SGCZ: variants seen among roughly 807,000 people sequenced by gnomAD.
SGCZ encodes zeta-sarcoglycan.
SGCZ carries 40 observed loss-of-function variants against 41.3 expected under a neutral mutation model. The observed-to-expected ratio is 0.97, with a 90% CI of 0.75 to 1.26. SGCZ has a LOEUF of 1.26. Ranked by LOEUF, SGCZ falls within the 50% of genes most tolerant of loss-of-function variation. SGCZ has a pLI of 0.00. For synonymous variants in SGCZ, 206 were observed against 137.5 expected (o/e 1.50, Z -3.49); for missense variants, 552 against 369.8 (o/e 1.49, Z -4.04).
intron 2 of SGCZ, among the ~76,000 whole-genome samples, chr8:14,445,055 A>C (rs757643561): frequency 6.6e-6 from 1 of 152,200 alleles, no homozygotes; most frequent in African/African-American, 2.4e-5. Flanking sequence ...ACCTAAGGCC[A>C]ATTAAGCTTG....
intron 4 of SGCZ, among the ~76,000 whole-genome samples, chr8:14,181,801 T>C (rs1207788066): frequency 6.6e-6 from 1 of 152,206 alleles, no homozygotes; most frequent in Non-Finnish European, 1.5e-5. Context: ...GTTAAACATC[T>C]TCCCTTTATA....
chr8:14,652,855 T>C (rs550777625), intron 1 of SGCZ, among the ~76,000 whole-genome samples: 14 of 152,206 alleles, frequency 9.2e-5, no homozygotes, highest in Admixed American at 2.6e-4. Context: ...TGGGTGGCCA[T>C]TGGGTATCAT....
In SGCZ at chr8:14,852,826, A is replaced by C. The variant is rs567637440; in HGVS notation, c.40-297900T>G. On this transcript the variant is annotated intron_variant, in intron 1 of 7. Transcript: ENST00000382080. ...TCATGGAGTAATAGCCTTTCTCTGCATCAAAGTCTTTCCTGGATTCCTGTG... is the reference window on the plus strand; with the variant it reads ...TCATGGAGTAATAGCCTTTCTCTGCCTCAAAGTCTTTCCTGGATTCCTGTG... 1.3e-4 allele frequency among the ~76,000 whole-genome samples: 20 copies of C among 152,266 alleles called. 1 individual carries two copies. The South Asian group carries it at 3.7e-3, about 28-fold the overall frequency.
chr8:14,812,918 A>G (rs1046313553), intron 1 of SGCZ, among the ~76,000 whole-genome samples: 1 of 152,204 alleles, frequency 6.6e-6, no homozygotes, highest in Non-Finnish European at 1.5e-5. Flanking sequence ...GATATTCCCT[A>G]ATGTTCCTGA....
chr8:15,217,439 A>G (rs1253377929), intron 1 of SGCZ, among the ~76,000 whole-genome samples: 2 of 151,126 alleles, frequency 1.3e-5, no homozygotes, highest in Non-Finnish European at 2.9e-5. Flanking sequence ...AAAGAATTGA[A>G]CTAACAAAAA....
chr8:14,464,226 T>C (rs11992504), intron 2 of SGCZ, among the ~76,000 whole-genome samples: 6,214 of 151,696 alleles, frequency 0.041, 394 homozygotes, highest in African/African-American at 0.14. Flanking sequence ...TAGAATCCAC[T>C]GGTGAAGCCA....
chr8:14,944,209 T>G (rs888463886), intron 1 of SGCZ, among the ~76,000 whole-genome samples: 1 of 152,238 alleles, frequency 6.6e-6, no homozygotes. Flanking sequence ...TTTTAAGGAA[T>G]GCTGCTACAG....
At chr8:14,155,659 TTTTTA>T (rs536018870) in intron 5 of SGCZ, among the ~76,000 whole-genome samples, 102 of 151,256 alleles carry the variant, frequency 6.7e-4, no homozygotes, top group South Asian at 1.2e-3. Flanking sequence ...GATTCAAAGA[TTTTTA>T]TTTTATTCAA....
intron 1 of SGCZ, among the ~76,000 whole-genome samples, chr8:15,060,288 G>C (rs1456490813): frequency 6.6e-6 from 1 of 151,942 alleles, no homozygotes; most frequent in African/African-American, 2.4e-5. Flanking sequence ...AAAAATGATA[G>C]ACTGGATTAA....
intron 2 of SGCZ, among the ~76,000 whole-genome samples, chr8:14,529,864 G>T (rs376098772): frequency 5.9e-5 from 9 of 151,896 alleles, no homozygotes; most frequent in African/African-American, 2.2e-4. Context: ...ATATTAGTGT[G>T]CATTTGTTGA....
chr8:14,850,119 T>G (rs1219758871), intron 1 of SGCZ, among the ~76,000 whole-genome samples: 1 of 152,234 alleles, frequency 6.6e-6, no homozygotes, highest in Non-Finnish European at 1.5e-5. Flanking sequence ...TTTCAATGCC[T>G]TCACACTATT....
chr8:14,566,450 G>A (rs1804363145), intron 1 of SGCZ, among the ~76,000 whole-genome samples: 1 of 152,106 alleles, frequency 6.6e-6, no homozygotes, highest in African/African-American at 2.4e-5. Flanking sequence ...CTGATTCTCT[G>A]CTCTCCACTG....
intron 2 of SGCZ, among the ~76,000 whole-genome samples, chr8:14,449,999 A>C (rs1800545649): frequency 6.6e-6 from 1 of 152,254 alleles, no homozygotes; most frequent in African/African-American, 2.4e-5. Context: ...AATATAATGC[A>C]ATGTAATATG....
At chr8:14,752,132 C>CAAAAAAAAAAAAA (rs56243371) in intron 1 of SGCZ, among the ~76,000 whole-genome samples, 2 of 117,792 alleles carry the variant, frequency 1.7e-5, no homozygotes, top group East Asian at 2.8e-4. Context: ...ACAAAAAAGC[C>CAAAAAAAAAAAAA]AAAAAAAAAA....
At chr8:14,572,927 ACTAAATAC>A (rs1222940840) in intron 1 of SGCZ, among the ~76,000 whole-genome samples, 5 of 152,292 alleles carry the variant, frequency 3.3e-5, no homozygotes, top group African/African-American at 1.2e-4. Context: ...ATGAATATTT[ACTAAATAC>A]CTATACATGC....
intron 1 of SGCZ, among the ~76,000 whole-genome samples, chr8:14,568,022 C>G (rs1270854862): frequency 6.6e-6 from 1 of 152,190 alleles, no homozygotes; most frequent in East Asian, 1.9e-4. Flanking sequence ...CCCACCAATT[C>G]TGGACACAAT....
At chr8:14,529,485 G>A (rs771256051) in intron 2 of SGCZ, among the ~76,000 whole-genome samples, 2 of 152,098 alleles carry the variant, frequency 1.3e-5, no homozygotes, top group African/African-American at 2.4e-5. Context: ...ACAAGCACAG[G>A]GCTGTCAACT....
intron 1 of SGCZ, among the ~76,000 whole-genome samples, chr8:14,658,350 G>C (rs1479477586): frequency 3.3e-5 from 5 of 152,104 alleles, no homozygotes; most frequent in Non-Finnish European, 7.4e-5. Flanking sequence ...TGCTGCAATT[G>C]AACTCATGCC....
At chr8:15,039,184 C>G (rs904338905) in intron 1 of SGCZ, among the ~76,000 whole-genome samples, 1 of 152,116 alleles carries the variant, frequency 6.6e-6, no homozygotes, top group Non-Finnish European at 1.5e-5. Context: ...CTCCTATGTT[C>G]ACTCCAGCAT....
Sources: allele counts gnomAD v4.1 joint callset (sites outside exome capture counted in the v4.1 genomes callset), GRCh38; gene constraint gnomAD v4.1.1; transcripts MANE v1.5; gene names NCBI Gene and HGNC (gene_info 2026-07-23, HGNC 2026-07-21).